The following PTH2R variants were observed in gnomAD, a reference collection of about 807,000 sequenced individuals.
The protein encoded by PTH2R is PTH2 receptor.
PTH2R carries 59 observed loss-of-function variants against 60.3 expected under a neutral mutation model. The observed-to-expected ratio is 0.98, with a 90% CI of 0.79 to 1.22. PTH2R has a LOEUF of 1.22. Ranked by LOEUF, PTH2R falls within the 50% of genes most tolerant of loss-of-function variation. The probability of loss-of-function intolerance (pLI) is 0.00; values close to 1 mark genes in which losing one functional copy is unlikely to be tolerated. For missense variants in PTH2R, 749 were observed against 682.6 expected, an observed-to-expected ratio of 1.10 and a Z score of -1.08; for synonymous variants, 256 against 243.8, an observed-to-expected ratio of 1.05 and a Z score of -0.47.
Position 208,493,592 on chromosome 2 carries a change from C to T in PTH2R, c.1586C>T (p.Pro529Leu), listed in dbSNP as rs370151943. 90 of 1,608,104 alleles carry T rather than the reference C, an allele frequency of 5.6e-5. No homozygotes were observed. Among genetic ancestry groups the T allele is most frequent in the Non-Finnish European group, 7.2e-5 (85 of 1,176,752 alleles). The stretch of plus-strand genomic sequence containing the variant: ...GGAGATGATATTCTAATGGAGAAGC[C>T]TTCCAGGCCTATGGAATCTAACCCA... ...RQGDDILMEK[P>L]SRPMESNPDT... Residue 529 changes from proline to leucine, a missense_variant, in exon 13 of 13, where the codon CCT becomes CTT. Coordinates refer to ENST00000272847, the MANE Select transcript of PTH2R (RefSeq NM_005048.4).
intron 1 of PTH2R, among the ~76,000 whole-genome samples, chr2:208,411,902 A>T (rs1032413664): frequency 2.0e-5 from 3 of 152,228 alleles, no homozygotes; most frequent in Admixed American, 6.5e-5. Flanking sequence ...GTGCCTGATA[A>T]CAAAAGATGT....
At chr2:208,474,189 T>C (rs1165226128) in intron 9 of PTH2R, among the ~76,000 whole-genome samples, 1 of 152,194 alleles carries the variant, frequency 6.6e-6, no homozygotes, top group East Asian at 1.9e-4. Flanking sequence ...ATCTACTTCA[T>C]AGGGTTATTA....
At chr2:208,472,241 T>C (rs1450100321) in intron 9 of PTH2R, among the ~76,000 whole-genome samples, 5 of 152,142 alleles carry the variant, frequency 3.3e-5, no homozygotes, top group Non-Finnish European at 5.9e-5. Flanking sequence ...GCTTTTGAAA[T>C]GTGAGGACAT....
At chr2:208,477,952 GCAC>G (rs1374458811) in intron 9 of PTH2R, among the ~76,000 whole-genome samples, 1 of 27,732 alleles carries the variant, frequency 3.6e-5, no homozygotes, top group African/African-American at 6.5e-5. Context: ...AGTAGTACTA[GCAC>G]TACTACTAGT....
chr2:208,483,196 G>A (rs894338846), intron 10 of PTH2R, among the ~76,000 whole-genome samples: 1 of 152,118 alleles, frequency 6.6e-6, no homozygotes, highest in Non-Finnish European at 1.5e-5. Context: ...AGCTGCTAGT[G>A]CCAGTTATTT....
intron 10 of PTH2R, among the ~76,000 whole-genome samples, chr2:208,483,984 A>C (rs1180226434): frequency 3.3e-5 from 5 of 152,230 alleles, no homozygotes; most frequent in Non-Finnish European, 7.3e-5. Context: ...TCCCTGTCTC[A>C]GTGACGTTCC....
chr2:208,481,193 G>A (rs2105905280), intron 10 of PTH2R, 29 bp downstream of exon 10: 1 of 1,435,096 alleles, frequency 7.0e-7, no homozygotes. Context: ...TCCATCAGAG[G>A]AAATATTTTG....
rs34110985 is a variant in PTH2R at position 208,369,366 on chromosome 2, C to CTTTTTTTTTTTTTTTTTTTT, written c.-259+9130_-259+9131insTTTTTTTTTTTTTTTTTTTT. Among the ~76,000 whole-genome samples the CTTTTTTTTTTTTTTTTTTTT allele has an allele frequency of 3.0e-5, 4 of 135,074 alleles. 2 individuals carry two copies. The highest frequency in any genetic ancestry group is 6.3e-5 in the Non-Finnish European group (4 of 63,488). The allele number at this position is 135,074 out of a possible 152,430, so 88.6% of individuals were successfully genotyped here. On this transcript the variant is annotated intron_variant, in intron 1 of 12. Transcript: ENST00000617735. ...TTGTCTGTAAACAACACTGGTCTCTCTCTCTTTTTTTTTTTTTTTAGAAGG... is the reference window on the plus strand; with the variant it reads ...TTGTCTGTAAACAACACTGGTCTCTCTTTTTTTTTTTTTTTTTTTTTCTCTTTTTTTTTTTTTTTAGAAGG...
chr2:208,457,196 C>T (rs543806673), intron 8 of PTH2R, among the ~76,000 whole-genome samples: 3 of 152,350 alleles, frequency 2.0e-5, no homozygotes, highest in Admixed American at 6.5e-5. Context: ...TATATGCCAC[C>T]TTCCTTATGG....
chr2:208,477,968 TA>T lies in PTH2R; in HGVS notation c.982-3101del, dbSNP rs1703054694. 1.4e-4 allele frequency among the ~76,000 whole-genome samples: 4 copies of T among 28,710 alleles called. No homozygotes were observed. In the South Asian group the frequency reaches 4.5e-3, roughly 32 times the overall value. 18.8% of individuals were successfully genotyped at this position (28,710 alleles called of 152,430 possible). A position where few individuals can be genotyped will look rare whatever the true frequency, so the allele number is the denominator to read the frequency against. On this transcript the variant is annotated intron_variant, in intron 9 of 12. Coordinates refer to ENST00000272847, the MANE Select transcript of PTH2R (RefSeq NM_005048.4). Reference sequence around the variant, plus strand: ...GTAGTACTAGCACTACTACTAGTACTAGTACTACTAGCACTACTACTAGTAC... The same window carrying T: ...GTAGTACTAGCACTACTACTAGTACTGTACTACTAGCACTACTACTAGTAC...
intron 1 of PTH2R, among the ~76,000 whole-genome samples, chr2:208,396,042 C>G (rs1305712336): frequency 1.3e-5 from 2 of 152,046 alleles, no homozygotes; most frequent in Non-Finnish European, 2.9e-5. Context: ...ACAAACCTGA[C>G]AAAAACAAGA....
intron 1 of PTH2R, among the ~76,000 whole-genome samples, chr2:208,371,266 A>T (rs1700696000): frequency 6.6e-6 from 1 of 152,182 alleles, no homozygotes; most frequent in African/African-American, 2.4e-5. Flanking sequence ...TGCGGAAAGC[A>T]GCCTTATCTG....
At chr2:208,428,383 G>C (rs878931681) in intron 2 of PTH2R, 80 bp downstream of exon 2, 1 of 960,524 alleles carries the variant, frequency 1.0e-6, no homozygotes. Context: ...TCCTTCTTTA[G>C]TGTTAGGGAG....
At chr2:208,490,556 G>A (rs897532362) in intron 11 of PTH2R, 83 bp from the exon 12 acceptor site, 2 of 1,340,080 alleles carry the variant, frequency 1.5e-6, no homozygotes, top group African/African-American at 1.5e-5. Flanking sequence ...AACAATTTTT[G>A]GACGTACACA....
rs574930630 is a variant in PTH2R, at chr2:208,481,302, C to T, written c.1076+138C>T. 4.1e-4 allele frequency: 121 copies of T among 295,112 alleles called. 1 individual carries two copies. In the South Asian group the frequency reaches 4.4e-3, roughly 11 times the overall value. The allele number at this position is 295,112 out of a possible 1,614,324, so 18.3% of individuals were successfully genotyped here. Reference sequence around the variant, plus strand: ...GGCACAATCTCGGCTCACTCGCCTCCCGGGTTCAAGCAATTCTCATGCCTC... The same window carrying T: ...GGCACAATCTCGGCTCACTCGCCTCTCGGGTTCAAGCAATTCTCATGCCTC... On this transcript the variant is annotated intron_variant, in intron 10 of 12. Transcript: ENST00000272847.
At chr2:208,417,653 G>A (rs763022899) in intron 1 of PTH2R, among the ~76,000 whole-genome samples, 4 of 143,608 alleles carry the variant, frequency 2.8e-5, no homozygotes, top group South Asian at 4.5e-4. Flanking sequence ...GGATTAAAGC[G>A]ATTCTCCTGC....
intron 1 of PTH2R, among the ~76,000 whole-genome samples, chr2:208,413,492 A>C (rs1701581932): frequency 6.6e-6 from 1 of 152,236 alleles, no homozygotes; most frequent in South Asian, 2.1e-4. Flanking sequence ...AGGAACTATA[A>C]AGTGAGTTAC....
chr2:208,408,027 A>G (rs1201282275), intron 1 of PTH2R, among the ~76,000 whole-genome samples: 1 of 152,202 alleles, frequency 6.6e-6, no homozygotes, highest in African/African-American at 2.4e-5. Context: ...ACTAGTTTAA[A>G]TTTCAATTAT....
Position 208,494,435 on chromosome 2 carries a change from C to A in PTH2R, c.*776C>A, listed in dbSNP as rs571586581. On this transcript the variant is annotated 3_prime_UTR_variant, in exon 13 of 13. Transcript: ENST00000272847. ...ATAGCAAATCATGCTGCATCTATAT[C>A]TTTTTCTTGTTTGAGCTGTTACTAC... 6 of 152,250 alleles carry A rather than the reference C, an allele frequency of 3.9e-5. No homozygotes were observed. The South Asian group carries it at 1.0e-3, about 26-fold the overall frequency. 9.4% of individuals were successfully genotyped at this position (152,250 alleles called of 1,614,324 possible).
Sources: gnomAD v4.1 joint callset for allele counts (sites outside exome capture counted in the v4.1 genomes callset) on GRCh38, gnomAD v4.1.1 for gene constraint, MANE v1.5 for transcripts, NCBI Gene and HGNC (gene_info 2026-07-23, HGNC 2026-07-21) for gene names.